The following UGT1A10 variants were observed in gnomAD, a reference collection of about 807,000 sequenced individuals.
The protein encoded by UGT1A10 is UDP-glucuronosyltransferase 1A10.
UGT1A10 carries 49 observed loss-of-function variants against 45.8 expected under a neutral mutation model. The observed-to-expected ratio is 1.07, with a 90% CI of 0.85 to 1.36. The LOEUF is 1.36. UGT1A10 is among the 40% of genes most tolerant of loss of function. The pLI, the probability that UGT1A10 is intolerant of heterozygous loss-of-function variation, is 0.00. For synonymous variants in UGT1A10, 284 were observed against 249.7 expected, an observed-to-expected ratio of 1.14 and a Z score of -1.29; for missense variants, 745 against 668.6, an observed-to-expected ratio of 1.11 and a Z score of -1.26.
intron 1 of UGT1A10, chr2:233,647,830 T>G (rs1450853545): frequency 1.3e-5 from 13 of 1,013,494 alleles, no homozygotes; most frequent in South Asian, 9.0e-5. Flanking sequence ...CCCCAAAAGC[T>G]AGCTTTGGTG....
intron 1 of UGT1A10, among the ~76,000 whole-genome samples, chr2:233,673,563 A>C (rs569309785): frequency 9.9e-5 from 15 of 151,916 alleles, no homozygotes; most frequent in Admixed American, 9.2e-4. Context: ...TTTTTTTGCT[A>C]TTGTGTCTTC....
chr2:233,728,324 C>T (rs1309797848), intron 1 of UGT1A10, among the ~76,000 whole-genome samples: 1 of 152,194 alleles, frequency 6.6e-6, no homozygotes, highest in Non-Finnish European at 1.5e-5. Context: ...GGCCAGGCTC[C>T]AGCTCCCCCA....
At chr2:233,758,188 A>G (rs1349167562) in intron 1 of UGT1A10, among the ~76,000 whole-genome samples, 2 of 152,180 alleles carry the variant, frequency 1.3e-5, no homozygotes, top group African/African-American at 4.8e-5. Flanking sequence ...TATTAATTGG[A>G]TTGCTTAGTA....
chr2:233,770,117 C>T (rs1700019979), intron 4 of UGT1A10: 1 of 152,326 alleles, frequency 6.6e-6, no homozygotes, highest in Non-Finnish European at 1.5e-5. Context: ...CTAAGAACAA[C>T]TTGGTGAAAG....
rs555064194 is a variant in UGT1A10 at position 233,744,160 on chromosome 2, C to T, written c.856-22874C>T. ...TGTGATGCTCCAAGACCAGGCCCCG[C>T]CCACTCCGGCCTCCAACCAGCCATG... On this transcript the variant is annotated intron_variant, in intron 1 of 4. Coordinates refer to ENST00000344644, the MANE Select transcript of UGT1A10 (RefSeq NM_019075.4). 16 of 294,652 alleles carry T rather than the reference C, an allele frequency of 5.4e-5. No homozygotes were observed. In the East Asian group the frequency reaches 1.5e-3, roughly 28 times the overall value. 18.3% of individuals were successfully genotyped at this position (294,652 alleles called of 1,614,324 possible).
intron 1 of UGT1A10, chr2:233,692,869 G>T: frequency 2.0e-6 from 3 of 1,484,506 alleles, no homozygotes; most frequent in Non-Finnish European, 2.7e-6. Context: ...ACATATCAAA[G>T]GGTAAAATTC....
intron 1 of UGT1A10, among the ~76,000 whole-genome samples, chr2:233,666,175 C>CT (rs563206394): frequency 5.9e-5 from 9 of 151,810 alleles, no homozygotes; most frequent in African/African-American, 1.9e-4. Context: ...AGGTGCCAGG[C>CT]TTTTTTTTAA....
chr2:233,718,906 G>C (rs1018341076), intron 1 of UGT1A10: 4 of 1,613,954 alleles, frequency 2.5e-6, no homozygotes, highest in Admixed American at 1.7e-5. Context: ...GCTGAGAGTG[G>C]AAAGGTGTTG....
chr2:233,718,946 C>T (rs1373518014), intron 1 of UGT1A10: 1 of 1,614,072 alleles, frequency 6.2e-7, no homozygotes, highest in African/African-American at 1.3e-5. Context: ...GCCCCTGGCT[C>T]AGCATGCGGG....
At chr2:233,682,181 A>G (rs933713283) in intron 1 of UGT1A10, 1 of 1,613,844 alleles carries the variant, frequency 6.2e-7, no homozygotes, top group East Asian at 2.2e-5. Flanking sequence ...AACCTCATAC[A>G]CTCTGGAGGA....
At chr2:233,670,882 A>G (rs563109203) in intron 1 of UGT1A10, among the ~76,000 whole-genome samples, 1 of 152,236 alleles carries the variant, frequency 6.6e-6, no homozygotes, top group African/African-American at 2.4e-5. Context: ...TGATAGAACC[A>G]ATCCAGAAAA....
chr2:233,708,133 G>A (rs2076005675), intron 1 of UGT1A10, among the ~76,000 whole-genome samples: 1 of 152,218 alleles, frequency 6.6e-6, no homozygotes, highest in African/African-American at 2.4e-5. Context: ...CTGTGCTCCT[G>A]TGTGGGAGTT....
intron 1 of UGT1A10, among the ~76,000 whole-genome samples, chr2:233,724,578 C>T (rs1404328313): frequency 0.029 from 3,589 of 123,690 alleles, 110 homozygotes; most frequent in African/African-American, 0.043. Context: ...GGGGCAGAGG[C>T]GCTCCCCACA....
chr2:233,716,827 A>T (rs1249548003), intron 1 of UGT1A10, among the ~76,000 whole-genome samples: 1 of 152,150 alleles, frequency 6.6e-6, no homozygotes, highest in Admixed American at 6.5e-5. Flanking sequence ...GACCTCACTG[A>T]CACCCATGGC....
intron 1 of UGT1A10, among the ~76,000 whole-genome samples, chr2:233,650,137 A>G (rs989532940): frequency 2.0e-5 from 3 of 152,024 alleles, no homozygotes; most frequent in African/African-American, 7.2e-5. Flanking sequence ...CACCCAGCTA[A>G]TTTTGTAATT....
chr2:233,655,437 A>T (rs921000942), intron 1 of UGT1A10, among the ~76,000 whole-genome samples: 3 of 152,162 alleles, frequency 2.0e-5, no homozygotes, highest in Non-Finnish European at 4.4e-5. Flanking sequence ...TGGCCACATC[A>T]TTAGCAGATT....
At chr2:233,666,765 C>A (rs576864032) in intron 1 of UGT1A10, among the ~76,000 whole-genome samples, 1 of 151,850 alleles carries the variant, frequency 6.6e-6, no homozygotes, top group South Asian at 2.1e-4. Context: ...CGTCATTTAA[C>A]CTTAGGTATC....
At chr2:233,747,961 G>A (rs529720964) in intron 1 of UGT1A10, 1 of 1,613,428 alleles carries the variant, frequency 6.2e-7, no homozygotes, top group South Asian at 1.1e-5. Context: ...GATCTTCTCA[G>A]CCATGCATCT....
chr2:233,724,822 C>G (rs372493213), intron 1 of UGT1A10, among the ~76,000 whole-genome samples: 1 of 136,056 alleles, frequency 7.3e-6, no homozygotes, highest in Admixed American at 7.2e-5. Context: ...GCTGCAATCT[C>G]GGCACTTTGG....
Sources: allele counts gnomAD v4.1 joint callset (sites outside exome capture counted in the v4.1 genomes callset), GRCh38; gene constraint gnomAD v4.1.1; transcripts MANE v1.5; gene names NCBI Gene and HGNC (gene_info 2026-07-23, HGNC 2026-07-21).